The following PTPA variants were observed in gnomAD, a reference collection of about 807,000 sequenced individuals.
PTPA encodes serine/threonine-protein phosphatase 2A activator.
A neutral mutation model predicts 43.6 loss-of-function variants in PTPA; 13 were observed. That is an observed-to-expected ratio of 0.30 (90% CI 0.19 to 0.47). The LOEUF (loss-of-function observed/expected upper bound fraction) is 0.47, where lower values mean the gene tolerates loss of function less well. Ranked by LOEUF, PTPA falls within the 20% of genes least tolerant of loss-of-function variation. The pLI is 0.99. For synonymous variants in PTPA, 172 were observed against 158.2 expected (o/e 1.09, Z -0.66); for missense variants, 329 against 411.9 (o/e 0.80, Z 1.74).
chr9:129,112,895 C>T (rs1450525561), intron 1 of PTPA, among the ~76,000 whole-genome samples: 1 of 151,340 alleles, frequency 6.6e-6, no homozygotes. Context: ...GAGCTGAGAT[C>T]GCGGCATTGC....
chr9:129,125,589 G>T (rs183642653), intron 3 of PTPA, among the ~76,000 whole-genome samples: 108 of 151,948 alleles, frequency 7.1e-4, no homozygotes, highest in African/African-American at 2.5e-3. Flanking sequence ...GGATTGCAGT[G>T]TGGTTACATG....
In PTPA at chr9:129,142,648, C is replaced by T. The variant is rs573380703; in HGVS notation, c.894+96C>T. On this transcript the variant is annotated intron_variant, in intron 9 of 9. Transcript: ENST00000393370. Reference sequence around the variant, plus strand: ...GATGTGGAACCTGGGGCTCCTGCTTCCTCCTACCCCACTGTTTTGCTCTGA... The same window carrying T: ...GATGTGGAACCTGGGGCTCCTGCTTTCTCCTACCCCACTGTTTTGCTCTGA... 17 of 1,562,074 alleles carry T rather than the reference C, an allele frequency of 1.1e-5. No individual in the cohort carries two copies. The East Asian group carries it at 2.9e-4, about 27-fold the overall frequency.
intron 3 of PTPA, among the ~76,000 whole-genome samples, chr9:129,125,751 TG>T (rs1849535095): frequency 6.6e-6 from 1 of 152,232 alleles, no homozygotes; most frequent in African/African-American, 2.4e-5. Flanking sequence ...GGTTGTCTTT[TG>T]CATAGCGCCT....
chr9:129,134,386 C>G (rs1850214867), intron 5 of PTPA, among the ~76,000 whole-genome samples: 1 of 146,072 alleles, frequency 6.8e-6, no homozygotes, highest in Non-Finnish European at 1.5e-5. Flanking sequence ...CTCACTGCAG[C>G]CTCAACCTCC....
At chr9:129,127,459 A>C (rs1048992525) in intron 3 of PTPA, among the ~76,000 whole-genome samples, 1 of 152,194 alleles carries the variant, frequency 6.6e-6, no homozygotes, top group Admixed American at 6.5e-5. Flanking sequence ...GTTTGTTTCC[A>C]TAGACACAGG....
At chr9:129,134,416 A>G (rs1357568032) in intron 5 of PTPA, among the ~76,000 whole-genome samples, 1 of 140,986 alleles carries the variant, frequency 7.1e-6, no homozygotes, top group Non-Finnish European at 1.5e-5. Flanking sequence ...GAGATCCTCC[A>G]TCTCAGCCTC....
At chr9:129,131,939 A>G (rs1430205511) in intron 5 of PTPA, among the ~76,000 whole-genome samples, 2 of 152,142 alleles carry the variant, frequency 1.3e-5, no homozygotes, top group African/African-American at 2.4e-5. Context: ...GCTCCTCATC[A>G]TCACCAAAAT....
intron 9 of PTPA, among the ~76,000 whole-genome samples, chr9:129,144,751 AAAAAG>A (rs1851181346): frequency 6.8e-6 from 1 of 147,846 alleles, no homozygotes. Context: ...AAAAAAAAAA[AAAAAG>A]ATCACCAAGT....
At chr9:129,127,289 G>C (rs1849642445) in intron 3 of PTPA, among the ~76,000 whole-genome samples, 1 of 152,200 alleles carries the variant, frequency 6.6e-6, no homozygotes, top group Non-Finnish European at 1.5e-5. Flanking sequence ...TGTTTCATTA[G>C]CTTAAGCCTG....
intron 8 of PTPA, among the ~76,000 whole-genome samples, chr9:129,138,562 C>T (rs1470923257): frequency 4.6e-5 from 7 of 152,202 alleles, no homozygotes; most frequent in Non-Finnish European, 5.9e-5. Context: ...GCTCAGCTAT[C>T]TGGAGAGGGT....
At chr9:129,131,116 ATTC>A (rs1849935401) in intron 4 of PTPA, among the ~76,000 whole-genome samples, 2 of 152,070 alleles carry the variant, frequency 1.3e-5, no homozygotes, top group Admixed American at 6.5e-5. Flanking sequence ...TGTTGTGAAC[ATTC>A]TTCTGCACGT....
intron 8 of PTPA, chr9:129,140,236 C>T (rs137901589): frequency 1.3e-5 from 2 of 152,782 alleles, no homozygotes; most frequent in East Asian, 1.9e-4. Flanking sequence ...CTCGCTCATT[C>T]TGGTTCTTTC....
chr9:129,110,973 G>A (rs1333584776), upstream of PTPA: 4 of 1,371,786 alleles, frequency 2.9e-6, no homozygotes, highest in Non-Finnish European at 3.9e-6. The surrounding 1 kb of genome is among the most constrained non-coding windows in gnomAD (Gnocchi z 5.3). Context: ...GAGGAGGAAG[G>A]AGGAGGTCAC....
At chr9:129,135,699 G>A (rs1850322715) in intron 6 of PTPA, among the ~76,000 whole-genome samples, 1 of 152,214 alleles carries the variant, frequency 6.6e-6, no homozygotes, top group East Asian at 1.9e-4. Context: ...TCCCCATTGC[G>A]GGCCCCAGTC....
chr9:129,116,543 G>T (rs1305304466), intron 1 of PTPA, among the ~76,000 whole-genome samples: 2 of 152,030 alleles, frequency 1.3e-5, no homozygotes, highest in Admixed American at 6.6e-5. Context: ...CCGCCACCAT[G>T]CCCGGCTAAT....
Position 129,147,729 on chromosome 9 carries a change from T to G in PTPA, c.*265T>G. 2.2e-6 allele frequency: 1 copy of G among 464,290 alleles called. No individual in the cohort carries two copies. The highest frequency in any genetic ancestry group is 4.0e-6 in the Non-Finnish European group (1 of 252,276). 28.8% of individuals were successfully genotyped at this position (464,290 alleles called of 1,614,324 possible). On this transcript the variant is annotated 3_prime_UTR_variant, in exon 10 of 10. Transcript: ENST00000393370. Reference sequence around the variant, plus strand: ...AAGAGAGGGTCTGGGGCCTGGTCACTCGGCCACTCTCTCCTGTTTCTGGCC... The same window carrying G: ...AAGAGAGGGTCTGGGGCCTGGTCACGCGGCCACTCTCTCCTGTTTCTGGCC...
chr9:129,129,452 A>AT (rs941559626), intron 4 of PTPA, among the ~76,000 whole-genome samples: 21 of 151,648 alleles, frequency 1.4e-4, no homozygotes, highest in South Asian at 4.2e-4. Flanking sequence ...ATAAAAAGGA[A>AT]TTTTTTTTAT....
At chr9:129,137,510 G>C (rs537454664) in intron 7 of PTPA, 82 bp from the exon 8 acceptor site, 14 of 1,109,200 alleles carry the variant, frequency 1.3e-5, no homozygotes, top group Non-Finnish European at 1.8e-5. Context: ...TGAGGCCCCT[G>C]GGGGGGTGTG....
chr9:129,117,042 A>G (rs908879620), intron 1 of PTPA, among the ~76,000 whole-genome samples: 2 of 151,750 alleles, frequency 1.3e-5, no homozygotes, highest in African/African-American at 4.8e-5. Context: ...CATCTTATCA[A>G]CTGATATTTG....
Sources: gnomAD v4.1 joint callset for allele counts (sites outside exome capture counted in the v4.1 genomes callset) on GRCh38, gnomAD v4.1.1 for gene constraint, Gnocchi (gnomAD v3.1) non-coding constraint, MANE v1.5 for transcripts, NCBI Gene and HGNC (gene_info 2026-07-23, HGNC 2026-07-21) for gene names.